Variants in ORC4 observed in about 807,000 individuals in gnomAD.
ORC4 encodes origin recognition complex subunit 4, also known as origin recognition complex, subunit 4 homolog.
A neutral mutation model predicts 63.9 loss-of-function variants in ORC4; 55 were observed. The observed-to-expected ratio is 0.86, with a 90% CI of 0.69 to 1.08. The LOEUF is 1.08. Ranked by LOEUF, ORC4 falls within the 50% of genes least tolerant of loss-of-function variation. The pLI, the probability that ORC4 is intolerant of heterozygous loss-of-function variation, is 0.00. For synonymous variants in ORC4, 150 were observed against 168.5 expected (o/e 0.89, Z 0.85); for missense variants, 511 against 504.4 (o/e 1.01, Z -0.13).
At chr2:147,955,522 TC>T in intron 6 of ORC4, 127 bp from the exon 7 acceptor site, 1 of 682,122 alleles carries the variant, frequency 1.5e-6, no homozygotes, top group East Asian at 2.8e-5. Context: ...TTGCCCAGAC[TC>T]TGCTGAGTGT....
chr2:147,989,755 A>C (rs935498885), intron 1 of ORC4, among the ~76,000 whole-genome samples: 23 of 152,114 alleles, frequency 1.5e-4, no homozygotes, highest in African/African-American at 5.1e-4. Flanking sequence ...AAAACCATGC[A>C]CCACTTTCCA....
intron 4 of ORC4, among the ~76,000 whole-genome samples, chr2:147,970,070 A>G (rs950074948): frequency 6.6e-6 from 1 of 152,128 alleles, no homozygotes. Context: ...ACTAGCAATG[A>G]AGACTTAGAA....
At chr2:147,949,374 T>C (rs1445505009) in intron 8 of ORC4, among the ~76,000 whole-genome samples, 1 of 152,122 alleles carries the variant, frequency 6.6e-6, no homozygotes, top group African/African-American at 2.4e-5. Context: ...ATTCAAAAAT[T>C]ACTAAACAGT....
At chr2:147,972,667 T>C (rs1690285099) in intron 4 of ORC4, 72 bp downstream of exon 4, 1 of 719,956 alleles carries the variant, frequency 1.4e-6, no homozygotes. Context: ...GATTTATATA[T>C]GAATTTATTT....
intron 10 of ORC4, among the ~76,000 whole-genome samples, chr2:147,940,326 C>T (rs751720977): frequency 1.2e-4 from 18 of 152,084 alleles, no homozygotes; most frequent in South Asian, 4.2e-4. Context: ...TTTTATCCCT[C>T]GCCCCACTGG....
At chr2:147,996,831 T>C (rs1290919535) in intron 1 of ORC4, among the ~76,000 whole-genome samples, 1 of 152,230 alleles carries the variant, frequency 6.6e-6, no homozygotes, top group Non-Finnish European at 1.5e-5. Flanking sequence ...ACAGACACTT[T>C]GGAAAACAGT....
At chr2:147,952,633 C>G in intron 7 of ORC4, 109 bp from the exon 8 acceptor site, 1 of 826,720 alleles carries the variant, frequency 1.2e-6, no homozygotes, top group Non-Finnish European at 2.0e-6. Flanking sequence ...TGTAAACATT[C>G]TGATAGCCTA....
At position 147,930,725 on chromosome 2, in the gene ORC4, T is replaced by C. The variant is rs1687672506; in HGVS notation, c.*4785A>G. 6.6e-6 allele frequency: 1 copy of C among 152,426 alleles called. No individual in the cohort carries two copies. Among genetic ancestry groups the C allele is most frequent in the Non-Finnish European group, 1.5e-5 (1 of 67,964 alleles). The allele number at this position is 152,426 out of a possible 1,614,324, so 9.4% of individuals were successfully genotyped here. A position where few individuals can be genotyped will look rare whatever the true frequency, so the allele number is the denominator to read the frequency against. On this transcript the variant is annotated 3_prime_UTR_variant, in exon 14 of 14. Coordinates refer to ENST00000392857, the MANE Select transcript of ORC4 (RefSeq NM_181741.4). The stretch of plus-strand genomic sequence containing the variant: ...TTTAACAGAAAGCTTAAAATCCCCA[T>C]AAAACCCCACCTTGGATAAGTGATT...
intron 1 of ORC4, among the ~76,000 whole-genome samples, chr2:148,011,226 T>C (rs1013493828): frequency 3.9e-5 from 6 of 152,218 alleles, no homozygotes; most frequent in Non-Finnish European, 8.8e-5. Context: ...ATAAAAATCT[T>C]CAACAAAACA....
chr2:147,949,953 G>A (rs922561851), intron 8 of ORC4, among the ~76,000 whole-genome samples: 1 of 152,144 alleles, frequency 6.6e-6, no homozygotes. Context: ...ATACCTACGT[G>A]AAGAAATCAT....
chr2:147,991,303 C>T (rs987913220), intron 1 of ORC4, among the ~76,000 whole-genome samples: 1 of 152,056 alleles, frequency 6.6e-6, no homozygotes, highest in African/African-American at 2.4e-5. Flanking sequence ...ACCTCAGCCT[C>T]CCAAAGTGCT....
intron 1 of ORC4, among the ~76,000 whole-genome samples, chr2:147,999,681 T>C (rs17225249): frequency 6.6e-5 from 10 of 151,844 alleles, no homozygotes; most frequent in African/African-American, 2.4e-4. Context: ...AGAAAAAAGG[T>C]TTCCAAACTT....
intron 1 of ORC4, among the ~76,000 whole-genome samples, chr2:148,019,375 A>T (rs1278801911): frequency 2.0e-5 from 3 of 152,220 alleles, no homozygotes; most frequent in Non-Finnish European, 4.4e-5. Flanking sequence ...GGATCATTTG[A>T]GGTCAAGAGA....
At position 147,973,766 on chromosome 2, in the gene ORC4, G is replaced by A. The variant is rs566615309; in HGVS notation, c.58-242C>T. On this transcript the variant is annotated intron_variant, in intron 2 of 13. Coordinates refer to ENST00000392857, the MANE Select transcript of ORC4 (RefSeq NM_181741.4). ...TAGTTGTGAAGGTTTCAACAAGAGG[G>A]AGAATCACTGACTTTAGCTATATTA... is the stretch of plus-strand genomic sequence containing the variant. Among the ~76,000 whole-genome samples the A allele has an allele frequency of 1.2e-3, 178 of 152,242 alleles. 3 individuals are homozygous for A. Among genetic ancestry groups the A allele is most frequent in the East Asian group, 1.2e-3 (6 of 5,184 alleles).
intron 3 of ORC4, 33 bp downstream of exon 3, chr2:147,973,415 G>T: frequency 7.9e-7 from 1 of 1,271,916 alleles, no homozygotes; most frequent in Non-Finnish European, 1.2e-6. Flanking sequence ...CTGTAAGTAG[G>T]TCCATAACAG....
chr2:148,014,819 G>A (rs780420985), intron 1 of ORC4, among the ~76,000 whole-genome samples: 4 of 152,122 alleles, frequency 2.6e-5, no homozygotes, highest in Non-Finnish European at 4.4e-5. Context: ...TGTGTAGGCC[G>A]TATGCAAACA....
At position 147,938,284 on chromosome 2, in the gene ORC4, A is replaced by C. The variant is rs374973087; in HGVS notation, c.1054+14T>G. On this transcript the variant is annotated intron_variant, in intron 12 of 13. Transcript: ENST00000392857. Reference sequence around the variant, plus strand: ...GGGAAGAGTCAGAAAAAAGCTACTTAAGTCTCATCTCACCATTATAGACCA... The same window carrying C: ...GGGAAGAGTCAGAAAAAAGCTACTTCAGTCTCATCTCACCATTATAGACCA... The C allele has an allele frequency of 6.3e-7, 1 of 1,591,130 alleles. No homozygotes were observed. The highest frequency in any genetic ancestry group is 1.3e-5 in the African/African-American group (1 of 74,426).
At chr2:147,962,460 C>T (rs540630562) in intron 4 of ORC4, among the ~76,000 whole-genome samples, 2 of 152,288 alleles carry the variant, frequency 1.3e-5, no homozygotes, top group South Asian at 4.1e-4. Context: ...AGTCACTGCA[C>T]CTTTCCAGTA....
intron 1 of ORC4, among the ~76,000 whole-genome samples, chr2:147,993,771 C>T (rs769936309): frequency 6.6e-6 from 1 of 152,144 alleles, no homozygotes; most frequent in Non-Finnish European, 1.5e-5. Flanking sequence ...TGGTACCCTA[C>T]CTTCATCCTT....
Sources: gnomAD v4.1 joint callset for allele counts (sites outside exome capture counted in the v4.1 genomes callset) on GRCh38, gnomAD v4.1.1 for gene constraint, MANE v1.5 for transcripts, NCBI Gene and HGNC (gene_info 2026-07-23, HGNC 2026-07-21) for gene names.